FCHSD1: variants seen among roughly 807,000 people sequenced by gnomAD.
The protein encoded by FCHSD1 is F-BAR and double SH3 domains protein 1.
Under a neutral mutation model 101.3 loss-of-function variants are expected in FCHSD1, and 109 were observed. That is an observed-to-expected ratio of 1.08 (90% CI 0.92 to 1.26). The LOEUF (loss-of-function observed/expected upper bound fraction) is 1.26. Among genes scored for constraint, FCHSD1 ranks in the 50% most tolerant of loss-of-function variants. The pLI, the probability that FCHSD1 is intolerant of heterozygous loss-of-function variation, is 0.00. For synonymous variants in FCHSD1, 291 were observed against 356.8 expected, an observed-to-expected ratio of 0.82 and a Z score of 2.08; for missense variants, 820 against 895.8, an observed-to-expected ratio of 0.92 and a Z score of 1.08.
chr5:141,650,816 T>A (rs11948807), intron 2 of FCHSD1, among the ~76,000 whole-genome samples: 2,556 of 121,728 alleles, frequency 0.021, 29 homozygotes, highest in South Asian at 0.048. Context: ...TGTGTGTTTA[T>A]GTGGGTGGGA....
chr5:141,645,983 A>C, intron 12 of FCHSD1, 51 bp from the exon 13 acceptor site: 3 of 1,542,042 alleles, frequency 1.9e-6, no homozygotes, highest in Non-Finnish European at 1.8e-6. Context: ...GGCAGTGTTT[A>C]CTCTCTGCTT....
rs748390098 is a variant in FCHSD1 at position 141,644,895 on chromosome 5, C to T, written c.1488G>A (p.Glu496=). The T allele has an allele frequency of 2.5e-6, 4 of 1,613,906 alleles. No homozygotes were observed. The highest frequency in any genetic ancestry group is 3.4e-6 in the Non-Finnish European group (4 of 1,179,872). Residue 496 remains glutamate, a synonymous_variant, in exon 15 of 20, where the codon GAG becomes GAA. Transcript: ENST00000435817. ...CGTCAGCATCTCCCTCCTCTATGAC[C>T]TCCAGCCACTCACCCTCCGTGATTG... ...ELTITEGEWL[E]VIEEGDADEW...
Position 141,640,005 on chromosome 5 carries a change from G to T in FCHSD1, c.*1493C>A, listed in dbSNP as rs146298065. 645 of 1,613,504 alleles carry T rather than the reference G, an allele frequency of 4.0e-4. No homozygotes were observed. The highest frequency in any genetic ancestry group is 5.3e-4 in the Non-Finnish European group (620 of 1,179,786). On this transcript the variant is annotated 3_prime_UTR_variant, in exon 20 of 20. Transcript: ENST00000435817. ...CACAGACAGGAGCTGGGGCTCTGGTGGGGGACAGGACCCAGGGGGTGGTCA... is the reference window on the plus strand; with the variant it reads ...CACAGACAGGAGCTGGGGCTCTGGTTGGGGACAGGACCCAGGGGGTGGTCA...
intron 10 of FCHSD1, 80 bp downstream of exon 10, chr5:141,647,050 TAACAC>T: frequency 1.5e-6 from 2 of 1,308,766 alleles, no homozygotes; most frequent in East Asian, 2.5e-5. Context: ...CTCACTAAGT[TAACAC>T]AAAACAAAGA....
rs2099906640 is a variant in FCHSD1, at chr5:141,639,908, C to T, written c.*1590G>A. On this transcript the variant is annotated 3_prime_UTR_variant, in exon 20 of 20. Coordinates refer to ENST00000435817, the MANE Select transcript of FCHSD1 (RefSeq NM_033449.3). This position sits in a 1 kb window ranked among gnomAD's most constrained non-coding sequence, Gnocchi z 4.4. ...TTGTGGTCCTAAACCCCAGTGTTCC[C>T]TCCCCTCCCAGGTTCCGGGTGACAC... 6.2e-7 allele frequency: 1 copy of T among 1,613,600 alleles called. No homozygotes were observed. Among genetic ancestry groups the T allele is most frequent in the Non-Finnish European group, 8.5e-7 (1 of 1,179,918 alleles).
rs775972982 is a variant in FCHSD1, at chr5:141,641,548, G to T, written c.2023C>A (p.Pro675Thr). 1.2e-5 allele frequency: 18 copies of T among 1,526,686 alleles called. No individual in the cohort carries two copies. The South Asian group carries it at 1.9e-4, about 16-fold the overall frequency. The allele number at this position is 1,526,686 out of a possible 1,614,324, so 94.6% of individuals were successfully genotyped here. A position where few individuals can be genotyped will look rare whatever the true frequency, so the allele number is the denominator to read the frequency against. The change falls in exon 20 of 20, where the codon CCC becomes ACC. Residue 675 changes from proline to threonine, a missense_variant. By Grantham distance (38) the Pro-to-Thr change is conservative. Transcript: ENST00000435817. ...GGATCCGGGGCTTTAGCCGGCGGGG[G>T]AGGTGGTGGACGCATCTGTAGGGAA... ...PRLRPMRPPP[P>T]PPAKAPDPGH... is the part of the protein sequence containing the mutation.
At chr5:141,643,326 A>G (rs769029026) in intron 17 of FCHSD1, among the ~76,000 whole-genome samples, 18 of 152,208 alleles carry the variant, frequency 1.2e-4, no homozygotes, top group East Asian at 3.9e-4. Context: ...AATTCATTCA[A>G]TCCTCACCAC....
intron 17 of FCHSD1, 24 bp downstream of exon 17, chr5:141,644,194 G>C: frequency 6.3e-7 from 1 of 1,591,732 alleles, no homozygotes. Context: ...TGCCTGGGGA[G>C]TTCAGGGAGA....
chr5:141,640,638 G>A lies in FCHSD1; in HGVS notation c.*860C>T. The A allele has an allele frequency of 6.5e-7, 1 of 1,538,386 alleles. No individual in the cohort carries two copies. The highest frequency in any genetic ancestry group is 1.2e-5 in the South Asian group (1 of 83,842). On this transcript the variant is annotated 3_prime_UTR_variant, in exon 20 of 20. Transcript: ENST00000435817. Reference sequence around the variant, plus strand: ...GAAAAGCTGGACACAGCTTGAACAGGAAGCAACAGTGTTATTCTTCCTCTT... The same window carrying A: ...GAAAAGCTGGACACAGCTTGAACAGAAAGCAACAGTGTTATTCTTCCTCTT...
rs2099906627 is a variant in FCHSD1 at position 141,639,838 on chromosome 5, C to T, written c.*1660G>A. The T allele has an allele frequency of 8.7e-6, 13 of 1,489,414 alleles. No individual in the cohort carries two copies. Among genetic ancestry groups the T allele is most frequent in the Non-Finnish European group, 1.1e-5 (12 of 1,074,814 alleles). The allele number at this position is 1,489,414 out of a possible 1,614,324, so 92.3% of individuals were successfully genotyped here. A position where few individuals can be genotyped will look rare whatever the true frequency, so the allele number is the denominator to read the frequency against. ...AGGCCAGAGGGAAGTAGCCACCAAACTCAGGATGTCCCTGGTCAGAGGGGA... is the reference window on the plus strand; with the variant it reads ...AGGCCAGAGGGAAGTAGCCACCAAATTCAGGATGTCCCTGGTCAGAGGGGA... On this transcript the variant is annotated 3_prime_UTR_variant, in exon 20 of 20. Coordinates refer to ENST00000435817, the MANE Select transcript of FCHSD1 (RefSeq NM_033449.3). The surrounding 1 kb of genome is among the most constrained non-coding windows in gnomAD (Gnocchi z 4.4).
chr5:141,642,728 T>C, intron 18 of FCHSD1: 1 of 544,292 alleles, frequency 1.8e-6, no homozygotes, highest in East Asian at 3.2e-5. Flanking sequence ...GCATCTTTTT[T>C]AACTCTCATA....
rs911534518 is a variant in FCHSD1 at position 141,644,901 on chromosome 5, C to A, written c.1482G>T (p.Trp494Cys). Residue 494 changes from tryptophan (W) to cysteine (C), a missense_variant, in exon 15 of 20, where the codon TGG becomes TGT. Transcript: ENST00000435817. ...EDELTITEGE[W>C]LEVIEEGDAD... is the part of the protein sequence containing the mutation. ...CATCTCCCTCCTCTATGACCTCCAG[C>A]CACTCACCCTCCGTGATTGTCAGCT... 2 of 1,613,942 alleles carry A rather than the reference C, an allele frequency of 1.2e-6. No homozygotes were observed. The highest frequency in any genetic ancestry group is 2.7e-5 in the African/African-American group (2 of 75,036).
chr5:141,646,090 T>C lies in FCHSD1; in HGVS notation c.1146A>G (p.Ala382=), dbSNP rs772949261. ...LQEVRESIRR[A]QVSQVKGAAR... The stretch of plus-strand genomic sequence containing the variant: ...TAACCTCAGGGGTGTGCCTCACCTG[T>C]GCCCGGCGGATGCTCTCTCGCACTT... The change falls in exon 12 of 20, where the codon GCA becomes GCG. Residue 382 remains alanine (A), a synonymous_variant. Coordinates refer to ENST00000435817, the MANE Select transcript of FCHSD1 (RefSeq NM_033449.3). The C allele has an allele frequency of 6.2e-7, 1 of 1,609,240 alleles. No homozygotes were observed. The highest frequency in any genetic ancestry group is 8.5e-7 in the Non-Finnish European group (1 of 1,178,050).
rs2099908335 is a variant in FCHSD1, at chr5:141,651,110, G to A, written c.29C>T (p.Pro10Leu). The A allele has an allele frequency of 1.3e-6, 2 of 1,586,122 alleles. No homozygotes were observed. Among genetic ancestry groups the A allele is most frequent in the South Asian group, 2.3e-5 (2 of 86,912 alleles). ...GAAGCGAAGCTTCACCTCCTGGGCC[G>A]GCTTCACCTGTGGGGGCAAAGAGAG... The part of the protein sequence containing the change: MQPPPRKVK[P>L]AQEVKLRFLE... The change falls in exon 2 of 20, where the codon CCG becomes CTG. Residue 10 changes from proline to leucine, a missense_variant. Pro to Leu is a moderately conservative substitution (Grantham distance 98). Transcript: ENST00000435817.
At position 141,643,059 on chromosome 5, in the gene FCHSD1, G is replaced by A. The variant is rs532802232; in HGVS notation, c.1893C>T (p.Phe631=). The change falls in exon 18 of 20, where the codon TTC becomes TTT. Residue 631 remains phenylalanine (F), a synonymous_variant. Transcript: ENST00000435817. The part of the protein sequence containing the change: ...QMLPSPSPPS[F]SPPAPTSVLD... Reference sequence around the variant, plus strand: ...ACACAGAGGTAGGTGCAGGTGGGGAGAAGCTGGGAGGAGAAGGGGACGGCA... The same window carrying A: ...ACACAGAGGTAGGTGCAGGTGGGGAAAAGCTGGGAGGAGAAGGGGACGGCA... 2.2e-5 allele frequency: 33 copies of A among 1,531,596 alleles called. No homozygotes were observed. The East Asian group carries it at 7.3e-4, about 34-fold the overall frequency. 94.9% of individuals were successfully genotyped at this position (1,531,596 alleles called of 1,614,324 possible).
At chr5:141,643,197 G>T in intron 17 of FCHSD1, 109 bp from the exon 18 acceptor site, 2 of 783,954 alleles carry the variant, frequency 2.6e-6, no homozygotes, top group Non-Finnish European at 3.7e-6. Context: ...AATACAGGAA[G>T]TGGCCAAATG....
intron 11 of FCHSD1, 21 bp from the exon 12 acceptor site, chr5:141,646,212 CAG>C (rs1355066647): frequency 1.3e-6 from 2 of 1,578,382 alleles, no homozygotes; most frequent in East Asian, 2.3e-5. Context: ...AGGCAGAGAA[CAG>C]GGGTGGGTGG....
At chr5:141,647,353 G>A in intron 9 of FCHSD1, 45 bp downstream of exon 9, 1 of 1,573,338 alleles carries the variant, frequency 6.4e-7, no homozygotes, top group Non-Finnish European at 8.6e-7. Flanking sequence ...GGAGGGAAGG[G>A]TAAAAAGGAT....
chr5:141,650,548 G>T (rs2099908254), intron 2 of FCHSD1, 144 bp from the exon 3 acceptor site: 2 of 860,014 alleles, frequency 2.3e-6, no homozygotes, highest in Non-Finnish European at 3.8e-6. Context: ...CAGAGGGAAT[G>T]GGACTGATGG....
Sources: gnomAD v4.1 joint callset for allele counts (sites outside exome capture counted in the v4.1 genomes callset) on GRCh38, gnomAD v4.1.1 for gene constraint, Gnocchi (gnomAD v3.1) non-coding constraint, MANE v1.5 for transcripts, NCBI Gene and HGNC (gene_info 2026-07-23, HGNC 2026-07-21) for gene names.